PDE1C: variants seen among roughly 807,000 people sequenced by gnomAD.
PDE1C encodes the protein phosphodiesterase 1C, also known as dual specificity calcium/calmodulin-dependent 3',5'-cyclic nucleotide phosphodiesterase 1C.
A neutral mutation model predicts 93.1 loss-of-function variants in PDE1C; 62 were observed. The ratio of observed to expected loss-of-function variants is 0.67; its 90% CI spans 0.54 to 0.82. The LOEUF (loss-of-function observed/expected upper bound fraction) is 0.82. Ranked by LOEUF, PDE1C falls within the 40% of genes least tolerant of loss-of-function variation. The pLI, the probability that PDE1C is intolerant of heterozygous loss-of-function variation, is 0.00. For synonymous variants in PDE1C, 325 were observed against 310.1 expected, an observed-to-expected ratio of 1.05 and a Z score of -0.50; for missense variants, 742 against 884.6, an observed-to-expected ratio of 0.84 and a Z score of 2.04.
At chr7:31,707,452 T>A in the PDE1C span, 1 of 588,382 alleles carries the variant, frequency 1.7e-6, no homozygotes, top group African/African-American at 1.9e-5. Flanking sequence ...CACCTCTTTG[T>A]CTCTCTCTTC....
intron 2 of PDE1C, among the ~76,000 whole-genome samples, chr7:32,185,915 G>C (rs903024425): frequency 2.6e-5 from 4 of 152,166 alleles, no homozygotes; most frequent in African/African-American, 7.2e-5. Flanking sequence ...TCACTGGACC[G>C]TGCTAGTCTA....
At chr7:32,218,689 T>G (rs553785381) in intron 1 of PDE1C, among the ~76,000 whole-genome samples, 2 of 152,378 alleles carry the variant, frequency 1.3e-5, no homozygotes, top group East Asian at 3.9e-4. Context: ...TTTCACAATT[T>G]GTATTTTATG....
In PDE1C at chr7:31,817,394, C is replaced by T. The variant is rs146434436; in HGVS notation, c.1583-1240G>A. ...ATGGTTAAAGTAAATTTGACAAGGG[C>T]TTAGTGATAGATGACGTGGTCAAAT... On this transcript the variant is annotated intron_variant, in intron 14 of 17. Transcript: ENST00000396191. Among the ~76,000 whole-genome samples, 277 of 152,198 alleles carry T rather than the reference C, an allele frequency of 1.8e-3. 1 individual carries two copies. Among genetic ancestry groups the T allele is most frequent in the African/African-American group, 5.8e-3 (241 of 41,546 alleles).
upstream of PDE1C, chr7:32,070,487 G>C: frequency 6.4e-7 from 1 of 1,564,386 alleles, no homozygotes; most frequent in African/African-American, 1.4e-5. Context: ...CCAGCCAGGC[G>C]CGGCGCGCGT....
At position 32,051,499 on chromosome 7, in the gene PDE1C, G is replaced by A. The variant is rs1169931824; in HGVS notation, c.128+55C>T. ...CCAGTCCACCATGAGCCAGACTTGTGAAGAGCTGGGCCACAAATGAATCAA... is the reference window on the plus strand; with the variant it reads ...CCAGTCCACCATGAGCCAGACTTGTAAAGAGCTGGGCCACAAATGAATCAA... On this transcript the variant is annotated intron_variant, in intron 2 of 17. Transcript: ENST00000396191. The A allele has an allele frequency of 3.2e-6, 5 of 1,572,932 alleles. No individual in the cohort carries two copies. The African/African-American group carries it at 4.0e-5, about 13-fold the overall frequency.
At chr7:32,260,108 C>A (rs1810092573) in intron 1 of PDE1C, among the ~76,000 whole-genome samples, 1 of 152,196 alleles carries the variant, frequency 6.6e-6, no homozygotes, top group Non-Finnish European at 1.5e-5. Flanking sequence ...TAGGGGTCAC[C>A]TGACCAGAGG....
intron 2 of PDE1C, among the ~76,000 whole-genome samples, chr7:31,908,598 C>G (rs1280370363): frequency 6.6e-6 from 1 of 152,170 alleles, no homozygotes; most frequent in Non-Finnish European, 1.5e-5. Context: ...CACTGATAAC[C>G]TCATTTAGTC....
At chr7:32,140,376 G>A (rs1584840405) in intron 3 of PDE1C, among the ~76,000 whole-genome samples, 1 of 152,204 alleles carries the variant, frequency 6.6e-6, no homozygotes, top group Non-Finnish European at 1.5e-5. Context: ...CAAAGAGCAT[G>A]TGAATTAGCA....
At chr7:32,187,199 A>C (rs893108801) in intron 2 of PDE1C, among the ~76,000 whole-genome samples, 3 of 151,302 alleles carry the variant, frequency 2.0e-5, no homozygotes, top group African/African-American at 7.3e-5. Context: ...TCACTATGTC[A>C]CCCAGGCGGG....
chr7:31,827,264 A>G (rs886686275), intron 12 of PDE1C, among the ~76,000 whole-genome samples: 8 of 152,090 alleles, frequency 5.3e-5, no homozygotes, highest in Non-Finnish European at 8.8e-5. Flanking sequence ...TGCCTGGAAT[A>G]CCCTTCTACC....
chr7:32,203,763 T>C (rs1805201668), intron 2 of PDE1C, among the ~76,000 whole-genome samples: 1 of 152,306 alleles, frequency 6.6e-6, no homozygotes, highest in African/African-American at 2.4e-5. Flanking sequence ...GCAAATTTAA[T>C]AACACTTCCA....
chr7:32,166,177 A>T (rs1390996182), intron 3 of PDE1C, among the ~76,000 whole-genome samples: 3 of 152,188 alleles, frequency 2.0e-5, no homozygotes, highest in African/African-American at 7.2e-5. Flanking sequence ...TTTGTCAATT[A>T]TACCTTTATA....
intron 16 of PDE1C, among the ~76,000 whole-genome samples, chr7:31,802,781 C>A (rs569319812): frequency 6.6e-6 from 1 of 151,830 alleles, no homozygotes; most frequent in Admixed American, 6.6e-5. Context: ...CTACTGTCAT[C>A]CTTATGTTTG....
chr7:32,258,095 C>T (rs1809938850), intron 1 of PDE1C, among the ~76,000 whole-genome samples: 1 of 152,216 alleles, frequency 6.6e-6, no homozygotes, highest in South Asian at 2.1e-4. Context: ...AGGTACAAGA[C>T]AAATGCTTTA....
chr7:31,660,508 C>A, the PDE1C span, among the ~76,000 whole-genome samples: 1 of 99,762 alleles, frequency 1.0e-5, no homozygotes, highest in African/African-American at 3.9e-5. Flanking sequence ...GATTGTGTTC[C>A]TCTCCCATTT....
intron 1 of PDE1C, among the ~76,000 whole-genome samples, chr7:32,317,724 T>G (rs770474593): frequency 2.0e-5 from 3 of 152,138 alleles, no homozygotes; most frequent in Admixed American, 6.5e-5. Flanking sequence ...TGGGGACGAA[T>G]GCTGGCACTG....
At chr7:32,194,043 T>G (rs938434026) in intron 2 of PDE1C, among the ~76,000 whole-genome samples, 3 of 151,648 alleles carry the variant, frequency 2.0e-5, no homozygotes, top group Non-Finnish European at 2.9e-5. Flanking sequence ...GCCTCCTGAG[T>G]AGCTGGGACT....
intron 2 of PDE1C, among the ~76,000 whole-genome samples, chr7:31,926,608 T>A (rs979670470): frequency 6.6e-6 from 1 of 152,102 alleles, no homozygotes; most frequent in Non-Finnish European, 1.5e-5. Flanking sequence ...TCACCGGGAC[T>A]GGTTAGACAG....
chr7:31,665,324 C>G, the PDE1C span, among the ~76,000 whole-genome samples: 1 of 152,194 alleles, frequency 6.6e-6, no homozygotes, highest in Non-Finnish European at 1.5e-5. Context: ...TCTGCACAGT[C>G]TATATCCATT....
Sources: gnomAD v4.1 joint callset for allele counts (sites outside exome capture counted in the v4.1 genomes callset) on GRCh38, gnomAD v4.1.1 for gene constraint, MANE v1.5 for transcripts, NCBI Gene and HGNC (gene_info 2026-07-23, HGNC 2026-07-21) for gene names.